Variants in DLGAP2 observed in about 807,000 individuals in gnomAD.
DLGAP2 encodes the protein DLG associated protein 2, also known as disks large-associated protein 2.
A neutral mutation model predicts 100.3 loss-of-function variants in DLGAP2; 26 were observed. The ratio of observed to expected loss-of-function variants is 0.26; its 90% CI spans 0.19 to 0.36. DLGAP2 has a LOEUF of 0.36. Ranked by LOEUF, DLGAP2 falls within the 10% of genes least tolerant of loss-of-function variation. DLGAP2 has a pLI of 1.00. For missense variants in DLGAP2, 1,858 were observed against 1,453.2 expected (o/e 1.28, Z -4.53); for synonymous variants, 886 against 630.1 (o/e 1.41, Z -6.08).
intron 2 of DLGAP2, among the ~76,000 whole-genome samples, chr8:1,205,986 C>G (rs903351959): frequency 6.6e-6 from 1 of 152,114 alleles, no homozygotes; most frequent in African/African-American, 2.4e-5. Context: ...GACCTCATCT[C>G]AAGGAAACAA....
chr8:759,256 T>C (rs1821011562), intron 1 of DLGAP2, among the ~76,000 whole-genome samples: 1 of 141,454 alleles, frequency 7.1e-6, no homozygotes, highest in South Asian at 2.5e-4. Context: ...GCCTCCCTGT[T>C]GTCAATACCC....
chr8:1,545,461 G>T (rs1801502666), intron 4 of DLGAP2, among the ~76,000 whole-genome samples: 1 of 152,134 alleles, frequency 6.6e-6, no homozygotes, highest in Non-Finnish European at 1.5e-5. Context: ...TATAATTGCT[G>T]TTTTCTCTCA....
At chr8:744,166 G>A (rs56896874) in intron 1 of DLGAP2, among the ~76,000 whole-genome samples, 30,291 of 152,094 alleles carry the variant, frequency 0.2, 3,177 homozygotes, top group Admixed American at 0.27. Flanking sequence ...CATCTTGTGC[G>A]TTGGGAAGAA....
intron 3 of DLGAP2, among the ~76,000 whole-genome samples, chr8:1,499,966 T>C (rs1156922879): frequency 8.8e-6 from 1 of 113,738 alleles, no homozygotes; most frequent in African/African-American, 3.4e-5. Context: ...CCTGGCTAAC[T>C]GCATCTAACA....
intron 1 of DLGAP2, among the ~76,000 whole-genome samples, chr8:906,713 C>T (rs78856465): frequency 2.0e-5 from 3 of 152,286 alleles, no homozygotes; most frequent in Non-Finnish European, 4.4e-5. Context: ...CTCCCTGCCC[C>T]GACTGTCTCA....
intron 3 of DLGAP2, among the ~76,000 whole-genome samples, chr8:1,498,392 A>G (rs1799612873): frequency 6.7e-6 from 1 of 148,998 alleles, no homozygotes; most frequent in African/African-American, 2.5e-5. Context: ...AAAAAAAAAA[A>G]TTACACATTC....
At chr8:1,690,176 T>C (rs1250992588) in intron 12 of DLGAP2, among the ~76,000 whole-genome samples, 2 of 149,346 alleles carry the variant, frequency 1.3e-5, no homozygotes, top group East Asian at 2.0e-4. Flanking sequence ...GCCAACATGG[T>C]GAAACGCTGT....
chr8:1,412,620 G>C (rs1796764738), intron 3 of DLGAP2, among the ~76,000 whole-genome samples: 1 of 152,194 alleles, frequency 6.6e-6, no homozygotes, highest in African/African-American at 2.4e-5. Context: ...GTCCTCTTCT[G>C]AGAAATGGTG....
intron 3 of DLGAP2, chr8:1,377,880 C>G (rs750967101): frequency 2.0e-5 from 3 of 152,310 alleles, no homozygotes; most frequent in Non-Finnish European, 2.9e-5. Flanking sequence ...GTCTCTTCTG[C>G]GAAGCTGCAC....
At chr8:1,651,406 A>G (rs1445605388) in intron 8 of DLGAP2, among the ~76,000 whole-genome samples, 1 of 152,132 alleles carries the variant, frequency 6.6e-6, no homozygotes, top group Non-Finnish European at 1.5e-5. Context: ...CTGCTGTGGC[A>G]CCAGCTGCTG....
At chr8:1,662,353 C>T (rs117312156) in intron 8 of DLGAP2, among the ~76,000 whole-genome samples, 8 of 152,216 alleles carry the variant, frequency 5.3e-5, no homozygotes, top group Non-Finnish European at 8.8e-5. Flanking sequence ...CTTCTGCCAC[C>T]AAAGGCATTT....
intron 2 of DLGAP2, among the ~76,000 whole-genome samples, chr8:1,251,489 G>C (rs1799039378): frequency 6.6e-6 from 1 of 152,202 alleles, no homozygotes; most frequent in Non-Finnish European, 1.5e-5. Flanking sequence ...CCAGGCTGGA[G>C]TGCACTGGTG....
intron 2 of DLGAP2, among the ~76,000 whole-genome samples, chr8:1,128,143 G>C (rs377425059): frequency 1.0e-3 from 154 of 147,550 alleles, no homozygotes; most frequent in Non-Finnish European, 1.7e-3. Context: ...TGTTGTGTTC[G>C]GTGAGGACCT....
intron 2 of DLGAP2, among the ~76,000 whole-genome samples, chr8:1,133,629 A>T (rs1796343130): frequency 6.6e-6 from 1 of 152,170 alleles, no homozygotes; most frequent in Admixed American, 6.5e-5. Flanking sequence ...AATAAATATT[A>T]TTCAGATTTT....
chr8:1,592,477 A>T (rs1199980517), intron 6 of DLGAP2, among the ~76,000 whole-genome samples: 1 of 151,920 alleles, frequency 6.6e-6, no homozygotes. Context: ...CCTGTTGCAC[A>T]TTTGCCCCCT....
At chr8:1,159,461 G>C (rs1449379174) in intron 2 of DLGAP2, among the ~76,000 whole-genome samples, 1 of 152,174 alleles carries the variant, frequency 6.6e-6, no homozygotes, top group East Asian at 1.9e-4. Flanking sequence ...TTAATACGCA[G>C]TTATCAGAGT....
At chr8:1,079,414 A>T (rs1803726664) in intron 2 of DLGAP2, among the ~76,000 whole-genome samples, 3 of 152,172 alleles carry the variant, frequency 2.0e-5, no homozygotes, top group Admixed American at 1.3e-4. Context: ...GTTCTTCTGC[A>T]TTATTTTGTT....
chr8:890,456 T>C (rs555671691), intron 1 of DLGAP2, among the ~76,000 whole-genome samples: 1 of 152,084 alleles, frequency 6.6e-6, no homozygotes, highest in Non-Finnish European at 1.5e-5. Flanking sequence ...TGATGGAAGG[T>C]TGGGGATGTG....
chr8:1,694,529 G>A (rs564626058), intron 13 of DLGAP2, among the ~76,000 whole-genome samples: 6 of 152,182 alleles, frequency 3.9e-5, no homozygotes, highest in Non-Finnish European at 5.9e-5. Context: ...ACATAATACC[G>A]GAAATAACTT....
Sources: gnomAD v4.1 joint callset for allele counts (sites outside exome capture counted in the v4.1 genomes callset) on GRCh38, gnomAD v4.1.1 for gene constraint, MANE v1.5 for transcripts, NCBI Gene and HGNC (gene_info 2026-07-23, HGNC 2026-07-21) for gene names.